Variants in SLC17A8 observed in about 807,000 individuals in gnomAD.
SLC17A8 encodes vesicular glutamate transporter 3.
In SLC17A8, 31 loss-of-function variants were observed where a neutral mutation model predicts 58.0. That is an observed-to-expected ratio of 0.53 (90% CI 0.40 to 0.72). SLC17A8 has a LOEUF of 0.72. Among genes scored for constraint, SLC17A8 ranks in the 30% least tolerant of loss-of-function variants. SLC17A8 has a pLI of 0.00. For synonymous variants in SLC17A8, 228 were observed against 249.0 expected, an observed-to-expected ratio of 0.92 and a Z score of 0.79; for missense variants, 655 against 727.8, an observed-to-expected ratio of 0.90 and a Z score of 1.15.
chr12:100,394,451 A>AAGT (rs1952738672), intron 4 of SLC17A8, among the ~76,000 whole-genome samples: 1 of 142,960 alleles, frequency 7.0e-6, no homozygotes, highest in African/African-American at 2.7e-5. Context: ...GCCCAGGCTG[A>AAGT]AGTGCGGTGG....
chr12:100,368,251 G>T (rs1952533883), intron 1 of SLC17A8, among the ~76,000 whole-genome samples: 1 of 152,202 alleles, frequency 6.6e-6, no homozygotes, highest in Non-Finnish European at 1.5e-5. Context: ...CCTCTTGCTG[G>T]CTGCTGGTAG....
At chr12:100,387,593 G>A (rs1952685380) in intron 2 of SLC17A8, among the ~76,000 whole-genome samples, 1 of 152,186 alleles carries the variant, frequency 6.6e-6, no homozygotes, top group Non-Finnish European at 1.5e-5. Context: ...TTAGCAGCTG[G>A]TTGAAGTGGG....
chr12:100,408,065 C>A (rs1226577188), intron 9 of SLC17A8, among the ~76,000 whole-genome samples: 2 of 152,106 alleles, frequency 1.3e-5, no homozygotes, highest in South Asian at 2.1e-4. Context: ...GTGAAGAATG[C>A]AGGTTGATTT....
At chr12:100,366,050 C>A in intron 1 of SLC17A8, among the ~76,000 whole-genome samples, 1 of 90,866 alleles carries the variant, frequency 1.1e-5, no homozygotes, top group Non-Finnish European at 2.0e-5. Context: ...GTGATCCCTT[C>A]TTTTTTTTTT....
intron 2 of SLC17A8, among the ~76,000 whole-genome samples, chr12:100,381,435 G>C (rs1952636941): frequency 6.6e-6 from 1 of 152,154 alleles, no homozygotes; most frequent in Non-Finnish European, 1.5e-5. Flanking sequence ...GCTCATAGGA[G>C]AGGGCACAGC....
chr12:100,399,221 T>C (rs775293535), intron 5 of SLC17A8, among the ~76,000 whole-genome samples: 1 of 152,104 alleles, frequency 6.6e-6, no homozygotes, highest in Non-Finnish European at 1.5e-5. Context: ...TCAACAATCA[T>C]CTGAGGCCCA....
intron 10 of SLC17A8, among the ~76,000 whole-genome samples, chr12:100,416,172 T>C (rs2136017285): frequency 6.6e-6 from 1 of 152,316 alleles, no homozygotes; most frequent in Non-Finnish European, 1.5e-5. Flanking sequence ...TTCTCAGTGA[T>C]TTTCCCCCCT....
chr12:100,409,790 A>T (rs1347998520), intron 9 of SLC17A8, among the ~76,000 whole-genome samples: 2 of 152,220 alleles, frequency 1.3e-5, no homozygotes, highest in Admixed American at 1.3e-4. Flanking sequence ...ATGTACAGGC[A>T]TGAGATAGTA....
intron 5 of SLC17A8, 30 bp from the exon 6 acceptor site, chr12:100,401,747 T>G (rs375021673): frequency 4.5e-6 from 7 of 1,546,520 alleles, no homozygotes; most frequent in Non-Finnish European, 6.3e-6. Context: ...TGATGATTGG[T>G]CAGATTCCCT....
rs762876998 is a variant in SLC17A8, at chr12:100,404,090, T to C, written c.1106T>C (p.Ile369Thr). The C allele has an allele frequency of 1.2e-5, 19 of 1,614,054 alleles. No individual in the cohort carries two copies. In the African/African-American group the frequency reaches 1.7e-4, roughly 15 times the overall value. ...PHMVMTIVVP[I>T]GGQLADYLRS... The stretch of plus-strand genomic sequence containing the variant: ...ATGGTTATGACAATCGTTGTACCTA[T>C]TGGAGGACAATTGGCTGATTATTTA... The change falls in exon 9 of 12, where the codon ATT becomes ACT. Residue 369 changes from isoleucine (I) to threonine (T), a missense_variant. Transcript: ENST00000323346.
intron 2 of SLC17A8, among the ~76,000 whole-genome samples, chr12:100,390,077 T>C (rs1176439367): frequency 6.6e-6 from 1 of 151,982 alleles, no homozygotes; most frequent in Non-Finnish European, 1.5e-5. Flanking sequence ...CACCTCTATC[T>C]CCCAAAGTGC....
intron 5 of SLC17A8, among the ~76,000 whole-genome samples, chr12:100,400,729 G>A (rs1952785112): frequency 6.6e-6 from 1 of 152,036 alleles, no homozygotes; most frequent in Non-Finnish European, 1.5e-5. Flanking sequence ...GTTTCAGAGA[G>A]TAACTTCTCC....
At chr12:100,377,568 G>GATATATATATATAT (rs1203225174) in intron 1 of SLC17A8, among the ~76,000 whole-genome samples, 3 of 121,298 alleles carry the variant, frequency 2.5e-5, no homozygotes, top group Admixed American at 1.7e-4. Context: ...ATGGCTTCAA[G>GATATATATATATAT]ATATATATAT....
chr12:100,357,505 T>G lies in SLC17A8; in HGVS notation c.101+13T>G, dbSNP rs766796001. Reference sequence around the variant, plus strand: ...GAATTTTACAAAGGTAAAGTTTGAATGCGAACTTTAGTTCCTTTCTGAGTA... The same window carrying G: ...GAATTTTACAAAGGTAAAGTTTGAAGGCGAACTTTAGTTCCTTTCTGAGTA... On this transcript the variant is annotated intron_variant, in intron 1 of 11. Coordinates refer to ENST00000323346, the MANE Select transcript of SLC17A8 (RefSeq NM_139319.3). The G allele has an allele frequency of 6.4e-6, 10 of 1,551,494 alleles. No homozygotes were observed. In the African/African-American group the frequency reaches 1.4e-4, roughly 21 times the overall value.
intron 2 of SLC17A8, among the ~76,000 whole-genome samples, chr12:100,390,649 G>A (rs1566395450): frequency 6.6e-6 from 1 of 151,826 alleles, no homozygotes; most frequent in African/African-American, 2.4e-5. Context: ...CACCCGGCCG[G>A]TTTTGTTTTT....
chr12:100,366,119 ACCACCCC>A lies in SLC17A8; in HGVS notation c.101+8628_101+8634del, dbSNP rs921693854. On this transcript the variant is annotated intron_variant, in intron 1 of 11. Coordinates refer to ENST00000323346, the MANE Select transcript of SLC17A8 (RefSeq NM_139319.3). ...ATTACCTTGGGATCCAATGGGGGCTACCACCCCTGCATCCTTTAAATCTCTGAAGGTG... is the reference window on the plus strand; with the variant it reads ...ATTACCTTGGGATCCAATGGGGGCTATGCATCCTTTAAATCTCTGAAGGTG... Among the ~76,000 whole-genome samples, 36 of 140,662 alleles carry A rather than the reference ACCACCCC, an allele frequency of 2.6e-4. 1 individual carries two copies. The highest frequency in any genetic ancestry group is 2.1e-3 in the Admixed American group (28 of 13,052). 92.3% of individuals were successfully genotyped at this position (140,662 alleles called of 152,430 possible).
At chr12:100,388,673 A>G (rs973016704) in intron 2 of SLC17A8, among the ~76,000 whole-genome samples, 9 of 152,232 alleles carry the variant, frequency 5.9e-5, no homozygotes, top group Admixed American at 3.9e-4. Context: ...CGTTGAACAG[A>G]TGGGCGGATA....
chr12:100,387,559 A>G (rs1952685120), intron 2 of SLC17A8, among the ~76,000 whole-genome samples: 1 of 152,178 alleles, frequency 6.6e-6, no homozygotes, highest in Non-Finnish European at 1.5e-5. Context: ...GAAAGGCATG[A>G]GAAAGGGATG....
In SLC17A8 at chr12:100,380,715, C is replaced by A; in HGVS notation, c.116C>A (p.Thr39Lys). 6.2e-7 allele frequency: 1 copy of A among 1,613,782 alleles called. No homozygotes were observed. The highest frequency in any genetic ancestry group is 8.5e-7 in the Non-Finnish European group (1 of 1,179,984). The change falls in exon 2 of 12, where the codon ACA becomes AAA. Residue 39 changes from threonine (T) to lysine (K), a missense_variant. Physicochemically the swap from Thr to Lys is moderately conservative, Grantham distance 78. Transcript: ENST00000323346. ...LGILQRKIDG[T>K]TEEEDNIELN... Reference sequence around the variant, plus strand: ...TTCCCATGTAGAAAAATCGATGGGACAACTGAGGAAGAAGATAACATTGAG... The same window carrying A: ...TTCCCATGTAGAAAAATCGATGGGAAAACTGAGGAAGAAGATAACATTGAG...
Sources: gnomAD v4.1 joint callset for allele counts (sites outside exome capture counted in the v4.1 genomes callset) on GRCh38, gnomAD v4.1.1 for gene constraint, MANE v1.5 for transcripts, NCBI Gene and HGNC (gene_info 2026-07-23, HGNC 2026-07-21) for gene names.